PABIR3: variants seen among roughly 807,000 people sequenced by gnomAD.
PABIR3 encodes PABIR family member 1.
Under a neutral mutation model 23.1 loss-of-function variants are expected in PABIR3, and 20 were observed. The observed-to-expected ratio is 0.86, with a 90% CI of 0.61 to 1.26. The LOEUF (loss-of-function observed/expected upper bound fraction) is 1.26, where lower values mean the gene tolerates loss of function less well. Ranked by LOEUF, PABIR3 falls within the 50% of genes most tolerant of loss-of-function variation. The pLI is 0.00. For synonymous variants in PABIR3, 69 were observed against 68.5 expected (o/e 1.01, Z -0.04); for missense variants, 189 against 195.4 (o/e 0.97, Z 0.20).
At chrX:134,809,544 C>T (rs1255846855) in intron 2 of PABIR3, 6 of 751,632 alleles carry the variant, frequency 8.0e-6, no homozygotes, top group South Asian at 6.8e-5. Context: ...TTCTAGATAC[C>T]GTAAAAATGT....
the PABIR3 span, among the ~76,000 whole-genome samples, chrX:134,863,237 C>T: frequency 9.0e-6 from 1 of 110,909 alleles, no homozygotes; most frequent in Non-Finnish European, 1.9e-5. Flanking sequence ...GCAGAAGGAG[C>T]AGGACTGAAA....
chrX:134,821,841 C>G (rs1001514516), intron 3 of PABIR3: 57 of 785,328 alleles, frequency 7.3e-5, no homozygotes, highest in Non-Finnish European at 8.7e-5. Flanking sequence ...AGTGTACAAC[C>G]CTTTGTTTAG....
chrX:134,809,826 CTAAA>C (rs2080532479), intron 2 of PABIR3: 3 of 752,136 alleles, frequency 4.0e-6, no homozygotes, highest in Non-Finnish European at 4.7e-6. Context: ...CTGATTAACT[CTAAA>C]TGAATGCAGC....
At chrX:134,849,549 G>A (rs1296410425) in intron 9 of PABIR3, among the ~76,000 whole-genome samples, 1 of 111,541 alleles carries the variant, frequency 9.0e-6, no homozygotes, top group African/African-American at 3.3e-5. Context: ...AATGAACAGA[G>A]TGAGTCAGTC....
At chrX:134,817,784 A>T (rs2081062595) in intron 3 of PABIR3, among the ~76,000 whole-genome samples, 1 of 111,056 alleles carries the variant, frequency 9.0e-6, no homozygotes, top group Admixed American at 9.7e-5. Context: ...TTTGCACTTT[A>T]TCCTAGGGTC....
chrX:134,853,937 T>C (rs1287171181), intron 10 of PABIR3, among the ~76,000 whole-genome samples, 154 bp from the exon 11 acceptor site: 2 of 112,285 alleles, frequency 1.8e-5, no homozygotes, highest in African/African-American at 6.5e-5. Context: ...TATTTATTGT[T>C]ACTGGTGGTT....
intron 3 of PABIR3, chrX:134,821,216 A>T: frequency 1.3e-6 from 1 of 757,787 alleles, no homozygotes; most frequent in Non-Finnish European, 1.8e-6. Context: ...TGAACACAAA[A>T]ATAAAGATGC....
At chrX:134,799,728 C>A (rs1260118990) in intron 1 of PABIR3, 1 of 111,542 alleles carries the variant, frequency 9.0e-6, no homozygotes, top group East Asian at 2.8e-4. Flanking sequence ...TTTGGGAGGC[C>A]GAGGCAGGCG....
chrX:134,838,836 G>A (rs1405725213), intron 4 of PABIR3: 1 of 110,767 alleles, frequency 9.0e-6, no homozygotes. Context: ...TGCGATTGCA[G>A]GCGCGCGCAG....
chrX:134,847,484 G>A lies in PABIR3; in HGVS notation c.438+9G>A, dbSNP rs2082473362. The A allele has an allele frequency of 8.8e-7, 1 of 1,134,193 alleles. No individual in the cohort carries two copies. Among genetic ancestry groups the A allele is most frequent in the African/African-American group, 1.8e-5 (1 of 55,846 alleles). The allele number at this position is 1,134,193 out of a possible 1,213,427, so 93.5% of individuals were successfully genotyped here. A position where few individuals can be genotyped will look rare whatever the true frequency, so the allele number is the denominator to read the frequency against. On this transcript the variant is annotated intron_variant, in intron 7 of 10. Coordinates refer to ENST00000645433, the MANE Select transcript of PABIR3 (RefSeq NM_001388447.1). ...TCAAGAAGACTGGGAAGGTAAGAAAGGAGTACCTAAAAGTCTATGTCTCTT... is the reference window on the plus strand; with the variant it reads ...TCAAGAAGACTGGGAAGGTAAGAAAAGAGTACCTAAAAGTCTATGTCTCTT...
At chrX:134,811,138 A>G in intron 2 of PABIR3, 1 of 750,823 alleles carries the variant, frequency 1.3e-6, no homozygotes, top group Non-Finnish European at 1.6e-6. Context: ...AAGTATCTGC[A>G]CTGTTTTATG....
At chrX:134,829,127 CTAAA>C in intron 3 of PABIR3, 95 bp from the exon 4 acceptor site, 1 of 705,551 alleles carries the variant, frequency 1.4e-6, no homozygotes. Context: ...GCATAAGACA[CTAAA>C]TAAATATTTT....
intron 4 of PABIR3, among the ~76,000 whole-genome samples, chrX:134,832,394 C>CTTTTTTTT (rs1162024470): frequency 1.3e-5 from 1 of 77,037 alleles, no homozygotes; most frequent in Admixed American, 1.4e-4. Flanking sequence ...GACTGGATCC[C>CTTTTTTTT]TTTTTTTTTT....
At chrX:134,826,751 T>C (rs183333024) in intron 3 of PABIR3, among the ~76,000 whole-genome samples, 17 of 111,466 alleles carry the variant, frequency 1.5e-4, no homozygotes, top group African/African-American at 4.9e-4. Context: ...CTATTGTTAT[T>C]TTTACAACCT....
intron 6 of PABIR3, 79 bp from the exon 7 acceptor site, chrX:134,847,303 TC>T: frequency 1.4e-6 from 1 of 729,044 alleles, no homozygotes; most frequent in Non-Finnish European, 2.1e-6. Context: ...AGGACTCACT[TC>T]CCTGTGCAAC....
downstream of PABIR3, among the ~76,000 whole-genome samples, chrX:134,859,419 A>G (rs908110346): frequency 3.6e-5 from 4 of 111,662 alleles, no homozygotes; most frequent in African/African-American, 1.3e-4. Flanking sequence ...ATGATTTATG[A>G]TGAAATATGG....
intron 10 of PABIR3, 42 bp downstream of exon 10, chrX:134,852,938 T>C: frequency 1.1e-6 from 1 of 913,192 alleles, no homozygotes; most frequent in Non-Finnish European, 1.5e-6. Context: ...TTGATCATTT[T>C]TGCTTCGTTG....
intron 3 of PABIR3, chrX:134,823,108 C>A (rs1680278352): frequency 9.0e-6 from 1 of 110,526 alleles, no homozygotes; most frequent in Non-Finnish European, 1.9e-5. Context: ...CCACTGCACT[C>A]CAGCCTGGGT....
intron 3 of PABIR3, 61 bp downstream of exon 3, chrX:134,814,910 T>TAA: frequency 5.6e-6 from 5 of 896,842 alleles, no homozygotes; most frequent in Non-Finnish European, 6.2e-6. Context: ...TCTCAACCAA[T>TAA]GGTCTTCAAA....
Sources: gnomAD v4.1 joint callset for allele counts (sites outside exome capture counted in the v4.1 genomes callset) on GRCh38, gnomAD v4.1.1 for gene constraint, MANE v1.5 for transcripts, NCBI Gene and HGNC (gene_info 2026-07-23, HGNC 2026-07-21) for gene names.